The following ASTN1 variants were observed in gnomAD, a reference collection of about 807,000 sequenced individuals.
ASTN1 encodes astrotactin 1, also known as astrotactin-1.
ASTN1 carries 41 observed loss-of-function variants against 140.7 expected under a neutral mutation model. The observed-to-expected ratio is 0.29, with a 90% CI of 0.23 to 0.38. The LOEUF is 0.38. ASTN1 is among the 10% of genes least tolerant of loss of function. The probability of loss-of-function intolerance (pLI) is 1.00; values close to 1 mark genes in which losing one functional copy is unlikely to be tolerated. For missense variants in ASTN1, 1,479 were observed against 1,678.8 expected (o/e 0.88, Z 2.08); for synonymous variants, 640 against 652.2 (o/e 0.98, Z 0.29).
chr1:177,159,633 C>T (rs1208350632), intron 1 of ASTN1, among the ~76,000 whole-genome samples: 2 of 152,186 alleles, frequency 1.3e-5, no homozygotes, highest in African/African-American at 2.4e-5. Flanking sequence ...AAGTTCTAAG[C>T]ACAAGACCAC....
At chr1:176,965,844 G>C (rs1672857114) in intron 8 of ASTN1, among the ~76,000 whole-genome samples, 1 of 152,148 alleles carries the variant, frequency 6.6e-6, no homozygotes, top group Non-Finnish European at 1.5e-5. Context: ...TCTTTGATAG[G>C]TTTCAGACAT....
intron 2 of ASTN1, among the ~76,000 whole-genome samples, chr1:177,048,278 T>A (rs1184917681): frequency 6.6e-6 from 1 of 152,170 alleles, no homozygotes; most frequent in African/African-American, 2.4e-5. Context: ...CTTGTCCTTA[T>A]CTTCCCCTGA....
chr1:176,957,310 T>C (rs915984913), intron 11 of ASTN1, among the ~76,000 whole-genome samples: 6 of 152,122 alleles, frequency 3.9e-5, no homozygotes, highest in Non-Finnish European at 7.4e-5. Context: ...TTAATTTTTA[T>C]TTTTTCACTA....
chr1:177,132,483 A>G (rs1681987754), intron 1 of ASTN1, among the ~76,000 whole-genome samples: 1 of 152,144 alleles, frequency 6.6e-6, no homozygotes, highest in Admixed American at 6.5e-5. Context: ...TGAACCCAAT[A>G]TCTCCTAAGC....
chr1:177,029,577 C>T lies in ASTN1; in HGVS notation c.1120+57G>A, dbSNP rs990791548. ...CCAACCCAACACCTCTTCGCCTTCCCCCGCCTCCCTCACTCCCAGATCCTT... is the reference window on the plus strand; with the variant it reads ...CCAACCCAACACCTCTTCGCCTTCCTCCGCCTCCCTCACTCCCAGATCCTT... On this transcript the variant is annotated intron_variant, in intron 5 of 22. Transcript: ENST00000361833. 7.1e-6 allele frequency: 11 copies of T among 1,555,452 alleles called. No individual in the cohort carries two copies. The East Asian group carries it at 1.6e-4, about 23-fold the overall frequency.
At chr1:177,104,452 T>C (rs552933024) in intron 1 of ASTN1, among the ~76,000 whole-genome samples, 3 of 152,340 alleles carry the variant, frequency 2.0e-5, no homozygotes, top group East Asian at 1.9e-4. Flanking sequence ...CATAATGTTA[T>C]TAAAACAAAG....
At chr1:176,968,753 T>C (rs887700526) in intron 8 of ASTN1, among the ~76,000 whole-genome samples, 1 of 152,118 alleles carries the variant, frequency 6.6e-6, no homozygotes, top group Non-Finnish European at 1.5e-5. Flanking sequence ...GCAACAGGAA[T>C]TGGGATAAAG....
At chr1:176,860,526 A>AT (rs1425467023), downstream of ASTN1, among the ~76,000 whole-genome samples, 1 of 152,252 alleles carries the variant, frequency 6.6e-6, no homozygotes, top group Non-Finnish European at 1.5e-5. Context: ...GCTACCCACC[A>AT]TGAAGCATTT....
intron 2 of ASTN1, among the ~76,000 whole-genome samples, chr1:177,054,694 G>A: frequency 6.6e-6 from 1 of 152,366 alleles, no homozygotes; most frequent in South Asian, 2.1e-4. Flanking sequence ...TTTAACAGCA[G>A]TGGGAACAAA....
intron 14 of ASTN1, among the ~76,000 whole-genome samples, chr1:176,941,280 C>A (rs1671700083): frequency 2.6e-5 from 4 of 152,154 alleles, no homozygotes; most frequent in Non-Finnish European, 1.5e-5. Context: ...AAAACAAACC[C>A]AATCCCTGCT....
At position 176,994,369 on chromosome 1, in the gene ASTN1, CT is replaced by C. The variant is rs34481279; in HGVS notation, c.1523+20421del. On this transcript the variant is annotated intron_variant, in intron 8 of 22. Coordinates refer to ENST00000361833, the MANE Select transcript of ASTN1 (RefSeq NM_004319.3). ...TCACTCTTGCTGACTTGGAATTATA[CT>C]TTTTTTTTTGAGCTGTTTCCCAGAC... Among the ~76,000 whole-genome samples the C allele has an allele frequency of 4.9e-3, 728 of 149,802 alleles. 2 individuals are homozygous for C. The highest frequency in any genetic ancestry group is 6.6e-3 in the South Asian group (31 of 4,694).
At chr1:177,044,175 A>T (rs1188026761) in intron 2 of ASTN1, among the ~76,000 whole-genome samples, 1 of 124,586 alleles carries the variant, frequency 8.0e-6, no homozygotes, top group African/African-American at 2.8e-5. Context: ...GAAAAAAAAA[A>T]TACACACACA....
chr1:177,131,921 A>C (rs975227969), intron 1 of ASTN1, among the ~76,000 whole-genome samples: 1 of 152,150 alleles, frequency 6.6e-6, no homozygotes, highest in Non-Finnish European at 1.5e-5. Context: ...TGTGGGAACT[A>C]ATAAGGTGAG....
intron 16 of ASTN1, among the ~76,000 whole-genome samples, chr1:176,895,090 G>C (rs1227709719): frequency 6.6e-6 from 1 of 152,178 alleles, no homozygotes; most frequent in Non-Finnish European, 1.5e-5. Context: ...TCTCTAGAGG[G>C]ATCGGGCTCC....
At chr1:177,147,859 A>G (rs1682786936) in intron 1 of ASTN1, among the ~76,000 whole-genome samples, 1 of 152,044 alleles carries the variant, frequency 6.6e-6, no homozygotes, top group Non-Finnish European at 1.5e-5. Flanking sequence ...GGAGAAAGAC[A>G]CCTCCTTCCT....
At chr1:177,030,162 CAGAAT>C (rs1293083057) in intron 4 of ASTN1, among the ~76,000 whole-genome samples, 2 of 152,104 alleles carry the variant, frequency 1.3e-5, no homozygotes, top group African/African-American at 2.4e-5. Context: ...ACAAAAAAGA[CAGAAT>C]AGAATAAAGG....
intron 8 of ASTN1, among the ~76,000 whole-genome samples, chr1:176,985,982 G>A (rs530753145): frequency 6.3e-4 from 95 of 151,986 alleles, no homozygotes; most frequent in African/African-American, 2.2e-4. Context: ...TCAGGTGGCC[G>A]GTGAGCAGGG....
chr1:177,161,917 A>C (rs1333446925), intron 1 of ASTN1, among the ~76,000 whole-genome samples: 1 of 152,162 alleles, frequency 6.6e-6, no homozygotes, highest in Admixed American at 6.5e-5. Context: ...CAGCTCTTAC[A>C]GGTATCTTTG....
intron 7 of ASTN1, among the ~76,000 whole-genome samples, chr1:177,015,797 T>C (rs887916687): frequency 5.3e-5 from 8 of 152,184 alleles, no homozygotes; most frequent in African/African-American, 1.9e-4. Context: ...CTACCGATTT[T>C]GAAGAAAATT....
Sources: gnomAD v4.1 joint callset for allele counts (sites outside exome capture counted in the v4.1 genomes callset) on GRCh38, gnomAD v4.1.1 for gene constraint, MANE v1.5 for transcripts, NCBI Gene and HGNC (gene_info 2026-07-23, HGNC 2026-07-21) for gene names.